KCND2: variants seen among roughly 807,000 people sequenced by gnomAD.
The protein encoded by KCND2 is A-type voltage-gated potassium channel KCND2.
Under a neutral mutation model 54.4 loss-of-function variants are expected in KCND2, and 16 were observed. That is an observed-to-expected ratio of 0.29 (90% CI 0.20 to 0.45). The LOEUF (loss-of-function observed/expected upper bound fraction) is 0.45, where lower values mean the gene tolerates loss of function less well. Ranked by LOEUF, KCND2 falls within the 20% of genes least tolerant of loss-of-function variation. KCND2 has a pLI of 1.00. For missense variants in KCND2, 486 were observed against 824.2 expected, an observed-to-expected ratio of 0.59 and a Z score of 5.02; for synonymous variants, 317 against 310.7, an observed-to-expected ratio of 1.02 and a Z score of -0.21.
At chr7:120,662,672 T>C (rs2116561838) in intron 1 of KCND2, among the ~76,000 whole-genome samples, 1 of 152,368 alleles carries the variant, frequency 6.6e-6, no homozygotes, top group Admixed American at 6.5e-5. Context: ...TCAAATTCTC[T>C]TTGCCTTTCT....
intron 1 of KCND2, among the ~76,000 whole-genome samples, chr7:120,383,800 G>T (rs2116033455): frequency 6.6e-6 from 1 of 152,120 alleles, no homozygotes; most frequent in South Asian, 2.1e-4. Flanking sequence ...GTCAAATAAG[G>T]TATAATTATT....
At chr7:120,678,297 G>T (rs1351996214) in intron 1 of KCND2, among the ~76,000 whole-genome samples, 1 of 145,866 alleles carries the variant, frequency 6.9e-6, no homozygotes, top group Non-Finnish European at 1.5e-5. Context: ...TACTGTAAAA[G>T]TATGTTTATT....
chr7:120,747,594 A>G, intron 5 of KCND2, 87 bp from the exon 6 acceptor site: 1 of 866,292 alleles, frequency 1.2e-6, no homozygotes, highest in South Asian at 1.5e-5. Context: ...AAATATTTTT[A>G]TAAGCATTAC....
At chr7:120,391,883 G>A (rs1801085064) in intron 1 of KCND2, among the ~76,000 whole-genome samples, 1 of 151,962 alleles carries the variant, frequency 6.6e-6, no homozygotes, top group Non-Finnish European at 1.5e-5. Flanking sequence ...ACACTCTGAT[G>A]GTAGTTTCTT....
chr7:120,510,567 G>C (rs1478331004), intron 1 of KCND2, among the ~76,000 whole-genome samples: 2 of 151,908 alleles, frequency 1.3e-5, no homozygotes, highest in African/African-American at 4.8e-5. Context: ...AATTTAATTA[G>C]ATGCCAGTCT....
intron 1 of KCND2, among the ~76,000 whole-genome samples, chr7:120,557,689 T>C (rs1050210327): frequency 6.6e-6 from 1 of 152,156 alleles, no homozygotes; most frequent in Non-Finnish European, 1.5e-5. Context: ...TATTGTTAAT[T>C]GATTTACAGG....
intron 1 of KCND2, among the ~76,000 whole-genome samples, chr7:120,366,426 T>G (rs1800679261): frequency 6.7e-6 from 1 of 148,724 alleles, no homozygotes; most frequent in South Asian, 2.1e-4. Flanking sequence ...AGGCGGAGGT[T>G]GCAGTGAGCT....
At chr7:120,435,657 CAGTA>C (rs1476702208) in intron 1 of KCND2, among the ~76,000 whole-genome samples, 2 of 151,748 alleles carry the variant, frequency 1.3e-5, no homozygotes, top group African/African-American at 4.8e-5. Context: ...TTTACATTAA[CAGTA>C]AGAAAAAAAA....
intron 1 of KCND2, among the ~76,000 whole-genome samples, chr7:120,390,320 A>T (rs1801054529): frequency 6.6e-6 from 1 of 152,016 alleles, no homozygotes; most frequent in South Asian, 2.1e-4. Context: ...TTCTTTGTTC[A>T]TAGGGATAAA....
intron 1 of KCND2, among the ~76,000 whole-genome samples, chr7:120,609,320 G>A (rs1792921660): frequency 6.6e-6 from 1 of 152,072 alleles, no homozygotes; most frequent in Non-Finnish European, 1.5e-5. Context: ...CTGATGAGAG[G>A]CGGGATGGGG....
At position 120,695,254 on chromosome 7, in the gene KCND2, G is replaced by T. The variant is rs1407329768; in HGVS notation, c.1116-37649G>T. Among the ~76,000 whole-genome samples the T allele has an allele frequency of 7.3e-5, 11 of 150,686 alleles. No individual in the cohort carries two copies. In the East Asian group the frequency reaches 2.1e-3, roughly 29 times the overall value. On this transcript the variant is annotated intron_variant, in intron 1 of 5. Coordinates refer to ENST00000331113, the MANE Select transcript of KCND2 (RefSeq NM_012281.3). ...TTGAACTGAGCTTGATATTTCAATG[G>T]CTTGTTTTATATATGTATCCCATAA...
chr7:120,735,203 G>A (rs1792855492), intron 2 of KCND2, among the ~76,000 whole-genome samples: 2 of 151,910 alleles, frequency 1.3e-5, no homozygotes, highest in African/African-American at 2.4e-5. Flanking sequence ...GTAGAAAAAG[G>A]CACCCTCTGG....
In KCND2 at chr7:120,542,011, C is replaced by A. The variant is rs180741652; in HGVS notation, c.1116-190892C>A. On this transcript the variant is annotated intron_variant, in intron 1 of 5. Transcript: ENST00000331113. Reference sequence around the variant, plus strand: ...ATTTATTGATTTAATGTTTCTACGACCTATTTTATTAAATATTTTTAAATA... The same window carrying A: ...ATTTATTGATTTAATGTTTCTACGAACTATTTTATTAAATATTTTTAAATA... Among the ~76,000 whole-genome samples the A allele has an allele frequency of 1.5e-3, 226 of 152,162 alleles. 1 individual carries two copies. Among genetic ancestry groups the A allele is most frequent in the Non-Finnish European group, 2.1e-3 (143 of 67,996 alleles).
intron 1 of KCND2, among the ~76,000 whole-genome samples, chr7:120,678,341 A>ATT (rs1158570597): frequency 7.0e-4 from 60 of 85,138 alleles, no homozygotes; most frequent in African/African-American, 2.3e-3. Context: ...AGGTATGATT[A>ATT]TTTATATATA....
chr7:120,708,340 G>A (rs4730977), intron 1 of KCND2, among the ~76,000 whole-genome samples: 58,312 of 151,936 alleles, frequency 0.38, 12,641 homozygotes, highest in African/African-American at 0.58. Context: ...GAGAAGAGCT[G>A]AACGAGTAGA....
chr7:120,706,579 GCCT>G (rs2116050569), intron 1 of KCND2, among the ~76,000 whole-genome samples: 1 of 152,210 alleles, frequency 6.6e-6, no homozygotes, highest in South Asian at 2.1e-4. Flanking sequence ...CCTCTTAAAG[GCCT>G]CCTCTTTTAA....
chr7:120,736,684 AGAAT>A (rs1281211590), intron 2 of KCND2, among the ~76,000 whole-genome samples: 1 of 151,840 alleles, frequency 6.6e-6, no homozygotes, highest in Non-Finnish European at 1.5e-5. Flanking sequence ...ACTAGTTTCT[AGAAT>A]GTCCCAGGTG....
chr7:120,321,483 T>C (rs1053508138), intron 1 of KCND2, among the ~76,000 whole-genome samples: 6 of 152,146 alleles, frequency 3.9e-5, no homozygotes, highest in Non-Finnish European at 5.9e-5. Context: ...ATAATTTGTC[T>C]AAGGGCTTTA....
intron 1 of KCND2, among the ~76,000 whole-genome samples, chr7:120,335,557 G>A (rs1800138573): frequency 6.6e-6 from 1 of 150,990 alleles, no homozygotes. Flanking sequence ...TGCGATCTTG[G>A]CTCACTGCAA....
Sources: allele counts gnomAD v4.1 joint callset (sites outside exome capture counted in the v4.1 genomes callset), GRCh38; gene constraint gnomAD v4.1.1; transcripts MANE v1.5; gene names NCBI Gene and HGNC (gene_info 2026-07-23, HGNC 2026-07-21).